SLC35D4: variants seen among roughly 807,000 people sequenced by gnomAD.
SLC35D4 encodes the protein solute carrier family 35 member D4.
At chr18:23,427,159 T>C in the SLC35D4 span, among the ~76,000 whole-genome samples, 2 of 152,136 alleles carry the variant, frequency 1.3e-5, no homozygotes, top group African/African-American at 4.8e-5. Context: ...AAAGCCAAAA[T>C]TGACAAATGG....
the SLC35D4 span, among the ~76,000 whole-genome samples, chr18:23,308,248 C>T: frequency 1.3e-5 from 2 of 152,104 alleles, no homozygotes; most frequent in African/African-American, 2.4e-5. Context: ...GCCCAGAAGC[C>T]CTGAGGAGAC....
chr18:23,385,018 C>T, the SLC35D4 span: 1 of 1,613,806 alleles, frequency 6.2e-7, no homozygotes, highest in African/African-American at 1.3e-5. Context: ...CTGGTACCCA[C>T]AGATGATAAC....
the SLC35D4 span, among the ~76,000 whole-genome samples, chr18:23,274,837 T>C: frequency 6.6e-6 from 1 of 152,204 alleles, no homozygotes; most frequent in South Asian, 2.1e-4. Context: ...ATCTTTAACT[T>C]AGGCCTGGAG....
At chr18:23,340,992 C>A in the SLC35D4 span, among the ~76,000 whole-genome samples, 1 of 152,242 alleles carries the variant, frequency 6.6e-6, no homozygotes, top group African/African-American at 2.4e-5. Context: ...GCTGGAGAAA[C>A]TGACTAGGAG....
At chr18:23,328,182 T>C in the SLC35D4 span, among the ~76,000 whole-genome samples, 4 of 152,166 alleles carry the variant, frequency 2.6e-5, no homozygotes, top group African/African-American at 7.2e-5. Flanking sequence ...CTGTTCAACA[T>C]AGTGTTGGAA....
chr18:23,406,716 T>G, the SLC35D4 span, among the ~76,000 whole-genome samples: 13 of 152,252 alleles, frequency 8.5e-5, no homozygotes, highest in Non-Finnish European at 1.6e-4. Flanking sequence ...TAGAGTTCTC[T>G]AAGCCTCCTC....
the SLC35D4 span, among the ~76,000 whole-genome samples, chr18:23,433,654 C>G: frequency 6.6e-6 from 1 of 152,192 alleles, no homozygotes; most frequent in Admixed American, 6.5e-5. Flanking sequence ...CCTTTGACAG[C>G]ACACTTGCTG....
At chr18:23,351,745 G>C in the SLC35D4 span, among the ~76,000 whole-genome samples, 1 of 152,120 alleles carries the variant, frequency 6.6e-6, no homozygotes, top group African/African-American at 2.4e-5. Flanking sequence ...CGCTCCTTCT[G>C]TTTCTTTGTG....
the SLC35D4 span, among the ~76,000 whole-genome samples, chr18:23,327,184 G>A: frequency 1.3e-5 from 2 of 152,182 alleles, no homozygotes; most frequent in South Asian, 4.2e-4. Context: ...CAGAAGGCAA[G>A]AAATAACTAA....
the SLC35D4 span, among the ~76,000 whole-genome samples, chr18:23,265,574 C>A: frequency 2.0e-5 from 3 of 146,710 alleles, no homozygotes; most frequent in African/African-American, 2.5e-5. Flanking sequence ...AAAAAAAAAA[C>A]CAGAAAGGAA....
chr18:23,396,703 C>T, the SLC35D4 span, among the ~76,000 whole-genome samples: 2 of 152,084 alleles, frequency 1.3e-5, no homozygotes, highest in African/African-American at 4.8e-5. Flanking sequence ...GACGTGAGCC[C>T]AAGAGTTTGA....
chr18:23,327,743 C>T, the SLC35D4 span, among the ~76,000 whole-genome samples: 1 of 152,134 alleles, frequency 6.6e-6, no homozygotes, highest in South Asian at 2.1e-4. Context: ...TTGGCAGAGA[C>T]ACAACAAAAA....
chr18:23,281,404 C>T, the SLC35D4 span, among the ~76,000 whole-genome samples: 1 of 152,110 alleles, frequency 6.6e-6, no homozygotes, highest in South Asian at 2.1e-4. Context: ...CTCACTGCAG[C>T]CTTGACCTCC....
the SLC35D4 span, among the ~76,000 whole-genome samples, chr18:23,333,634 G>A: frequency 0.2 from 30,127 of 152,032 alleles, 4,090 homozygotes; most frequent in African/African-American, 0.38. Flanking sequence ...AAGGCCTGAA[G>A]CTACCAGAAC....
At chr18:23,389,883 T>G in the SLC35D4 span, among the ~76,000 whole-genome samples, 1 of 152,182 alleles carries the variant, frequency 6.6e-6, no homozygotes, top group Non-Finnish European at 1.5e-5. Flanking sequence ...CCTCTAACTC[T>G]GTACAATTCC....
chr18:23,276,829 A>C, the SLC35D4 span, among the ~76,000 whole-genome samples: 2 of 152,164 alleles, frequency 1.3e-5, no homozygotes, highest in Non-Finnish European at 2.9e-5. Flanking sequence ...GTAGCCAAAG[A>C]GACAGGGCTG....
chr18:23,429,207 C>A, the SLC35D4 span, among the ~76,000 whole-genome samples: 3 of 152,174 alleles, frequency 2.0e-5, no homozygotes, highest in Non-Finnish European at 1.5e-5. Context: ...CGAGTATATA[C>A]CCAGTAATGG....
At chr18:23,320,742 G>A in the SLC35D4 span, among the ~76,000 whole-genome samples, 1 of 152,176 alleles carries the variant, frequency 6.6e-6, no homozygotes, top group Non-Finnish European at 1.5e-5. Flanking sequence ...AGCCCTCCCA[G>A]ACTTGTGTTT....
chr18:23,333,575 A>T, the SLC35D4 span, among the ~76,000 whole-genome samples: 3 of 119,834 alleles, frequency 2.5e-5, no homozygotes, highest in African/African-American at 8.8e-5. Flanking sequence ...GGCAATTTGG[A>T]ATAATAAGAT....
Sources: gnomAD v4.1 joint callset for allele counts (sites outside exome capture counted in the v4.1 genomes callset) on GRCh38, gnomAD v4.1.1 for gene constraint, MANE v1.5 for transcripts, NCBI Gene and HGNC (gene_info 2026-07-23, HGNC 2026-07-21) for gene names.